The following UBXN2A variants were observed in gnomAD, a reference collection of about 807,000 sequenced individuals.
The protein encoded by UBXN2A is UBX domain protein 2A.
A neutral mutation model predicts 28.4 loss-of-function variants in UBXN2A; 28 were observed. The ratio of observed to expected loss-of-function variants is 0.99; its 90% confidence interval spans 0.73 to 1.35. The LOEUF is 1.35. Among genes scored for constraint, UBXN2A ranks in the 40% most tolerant of loss-of-function variants. The probability of loss-of-function intolerance (pLI) is 0.00; values close to 1 mark genes in which losing one functional copy is unlikely to be tolerated. For missense variants in UBXN2A, 253 were observed against 297.9 expected (o/e 0.85, Z 1.11); for synonymous variants, 97 against 103.6 (o/e 0.94, Z 0.39).
Position 23,960,553 on chromosome 2 carries a change from A to G in UBXN2A, c.41+2198A>G, listed in dbSNP as rs576006852. ...TCATTAACATAGTCAATTTTCGCGCATTTATATTACCCCAAAGAGAAACCC... is the reference window on the plus strand; with the variant it reads ...TCATTAACATAGTCAATTTTCGCGCGTTTATATTACCCCAAAGAGAAACCC... On this transcript the variant is annotated intron_variant, in intron 2 of 6. Coordinates refer to ENST00000309033, the MANE Select transcript of UBXN2A (RefSeq NM_181713.4). 8.5e-5 allele frequency among the ~76,000 whole-genome samples: 13 copies of G among 152,282 alleles called. No homozygotes were observed. The East Asian group carries it at 1.3e-3, about 16-fold the overall frequency.
In UBXN2A at chr2:23,941,946, G is replaced by C. The variant is rs534273244; in HGVS notation, c.-15+1298G>C. ...ACAGAAATTAGCTGGGCGTGATGGG[G>C]GGCGTCTGTAATCCCAGCTACTCAG... On this transcript the variant is annotated intron_variant, in intron 1 of 6. Transcript: ENST00000309033. Among the ~76,000 whole-genome samples the C allele has an allele frequency of 1.4e-3, 216 of 152,192 alleles. 2 individuals carry two copies. Among genetic ancestry groups the C allele is most frequent in the Admixed American group, 0.013 (191 of 15,266 alleles).
intron 1 of UBXN2A, among the ~76,000 whole-genome samples, chr2:23,945,653 T>G (rs1255518053): frequency 2.6e-5 from 4 of 152,164 alleles, no homozygotes; most frequent in Non-Finnish European, 5.9e-5. Context: ...TCTGATTGTA[T>G]AATACCTTGA....
intron 1 of UBXN2A, 26 bp from the exon 2 acceptor site, chr2:23,958,275 T>A: frequency 1.3e-6 from 2 of 1,568,232 alleles, no homozygotes; most frequent in South Asian, 1.2e-5. Context: ...ACTTTCTTTT[T>A]ACTTACTTTC....
At chr2:23,986,154 A>G (rs1708119259) in intron 6 of UBXN2A, among the ~76,000 whole-genome samples, 1 of 151,656 alleles carries the variant, frequency 6.6e-6, no homozygotes, top group African/African-American at 2.4e-5. Context: ...TAAAAATACA[A>G]AAAAAATTAG....
chr2:23,982,381 G>A lies in UBXN2A; in HGVS notation c.288-515G>A, dbSNP rs539710781. 2.3e-3 allele frequency among the ~76,000 whole-genome samples: 350 copies of A among 151,576 alleles called. 2 individuals are homozygous for A. The highest frequency in any genetic ancestry group is 3.8e-3 in the Non-Finnish European group (261 of 67,840). On this transcript the variant is annotated intron_variant, in intron 4 of 6. Transcript: ENST00000309033. ...GACTCCGTCTCAAAAAAAAAAAAAA[G>A]TTTACAAATTTTTGTTGGGCCACAT...
At chr2:23,995,395 G>A (rs918558967) in intron 6 of UBXN2A, among the ~76,000 whole-genome samples, 4 of 152,008 alleles carry the variant, frequency 2.6e-5, no homozygotes, top group African/African-American at 7.2e-5. Flanking sequence ...CTTGACTTAT[G>A]ATGTAATGTC....
chr2:23,939,799 TGTAGTAA>T (rs1238389055), upstream of UBXN2A: 1 of 152,402 alleles, frequency 6.6e-6, no homozygotes, highest in Non-Finnish European at 1.5e-5. Flanking sequence ...GGCGGTTGCG[TGTAGTAA>T]GTCCTTTTAG....
At chr2:23,952,161 T>C (rs987911905) in intron 1 of UBXN2A, among the ~76,000 whole-genome samples, 3 of 151,872 alleles carry the variant, frequency 2.0e-5, no homozygotes, top group African/African-American at 7.3e-5. Context: ...GAGATGGGGT[T>C]TGACCATGTT....
intron 4 of UBXN2A, among the ~76,000 whole-genome samples, chr2:23,978,892 C>T (rs549098976): frequency 1.4e-5 from 2 of 148,064 alleles, no homozygotes; most frequent in Non-Finnish European, 3.0e-5. Flanking sequence ...GAACCCAGGA[C>T]GCAGAGGCTG....
intron 6 of UBXN2A, among the ~76,000 whole-genome samples, chr2:23,987,320 T>C (rs1708170714): frequency 6.6e-6 from 1 of 152,202 alleles, no homozygotes; most frequent in South Asian, 2.1e-4. Flanking sequence ...TCTGTGATCA[T>C]GTCTCTTCTT....
intron 1 of UBXN2A, among the ~76,000 whole-genome samples, chr2:23,949,128 TTTTTTGTA>T (rs1209049058): frequency 6.8e-6 from 1 of 147,216 alleles, no homozygotes; most frequent in Non-Finnish European, 1.5e-5. Context: ...TTTTTTTTTT[TTTTTTGTA>T]TTTTTAGTAG....
At chr2:23,958,092 T>A (rs538301339) in intron 1 of UBXN2A, among the ~76,000 whole-genome samples, 2 of 152,368 alleles carry the variant, frequency 1.3e-5, no homozygotes, top group African/African-American at 4.8e-5. Flanking sequence ...TTTTTCATAA[T>A]AAGTTTTAAG....
chr2:23,990,579 A>T (rs903589653), intron 6 of UBXN2A, among the ~76,000 whole-genome samples: 3 of 151,610 alleles, frequency 2.0e-5, no homozygotes, highest in African/African-American at 4.8e-5. Context: ...TTCAAGACCA[A>T]CCTGGCCAAC....
At chr2:23,991,905 C>T (rs758199441) in intron 6 of UBXN2A, among the ~76,000 whole-genome samples, 6 of 152,150 alleles carry the variant, frequency 3.9e-5, no homozygotes, top group Non-Finnish European at 8.8e-5. Context: ...AATTCTCGTC[C>T]CTCAGCCTCC....
chr2:23,987,174 TA>T (rs1558305521), intron 6 of UBXN2A, among the ~76,000 whole-genome samples: 1 of 151,512 alleles, frequency 6.6e-6, no homozygotes, highest in South Asian at 2.1e-4. Context: ...TTTCTTTTTT[TA>T]AAAAAATTTT....
intron 1 of UBXN2A, among the ~76,000 whole-genome samples, chr2:23,949,397 C>T (rs917709080): frequency 6.6e-5 from 10 of 151,764 alleles, no homozygotes; most frequent in Non-Finnish European, 1.0e-4. Context: ...CATCGAAACC[C>T]TGTCTCTACT....
intron 2 of UBXN2A, among the ~76,000 whole-genome samples, chr2:23,963,632 A>G (rs1205202151): frequency 6.6e-6 from 1 of 152,224 alleles, no homozygotes; most frequent in African/African-American, 2.4e-5. Context: ...GCTGTTGTCA[A>G]AAAACAAAAG....
chr2:24,000,007 G>A lies in UBXN2A; in HGVS notation c.*140G>A. The A allele has an allele frequency of 1.3e-6, 1 of 744,620 alleles. No individual in the cohort carries two copies. Among genetic ancestry groups the A allele is most frequent in the Non-Finnish European group, 2.2e-6 (1 of 463,770 alleles). 46.1% of individuals were successfully genotyped at this position (744,620 alleles called of 1,614,324 possible). On this transcript the variant is annotated 3_prime_UTR_variant, in exon 7 of 7. Coordinates refer to ENST00000309033, the MANE Select transcript of UBXN2A (RefSeq NM_181713.4). ...TTGAACTCTCTCCTGATGAGAAGAT[G>A]TTTAGATAAGTACAAGTTAAGAAAG...
At chr2:23,935,588 TAC>T (rs1184904839), upstream of UBXN2A, among the ~76,000 whole-genome samples, 2 of 152,144 alleles carry the variant, frequency 1.3e-5, no homozygotes, top group Non-Finnish European at 2.9e-5. Flanking sequence ...CACATACACA[TAC>T]ACACACAGAG....
Sources: gnomAD v4.1 joint callset for allele counts (sites outside exome capture counted in the v4.1 genomes callset) on GRCh38, gnomAD v4.1.1 for gene constraint, MANE v1.5 for transcripts, NCBI Gene and HGNC (gene_info 2026-07-23, HGNC 2026-07-21) for gene names.